TYW1B: variants seen among roughly 807,000 people sequenced by gnomAD.
The protein encoded by TYW1B is tRNA-yW synthesizing protein 1 homolog B.
In TYW1B, 73 loss-of-function variants were observed where a neutral mutation model predicts 86.9. The ratio of observed to expected loss-of-function variants is 0.84; its 90% CI spans 0.70 to 1.02. The LOEUF (loss-of-function observed/expected upper bound fraction) is 1.02, where lower values mean the gene tolerates loss of function less well. Among genes scored for constraint, TYW1B ranks in the 50% least tolerant of loss-of-function variants. The pLI is 0.00. For missense variants in TYW1B, 637 were observed against 827.4 expected (o/e 0.77, Z 2.82); for synonymous variants, 248 against 292.8 (o/e 0.85, Z 1.56).
At chr7:72,673,146 G>A (rs1427584063) in intron 11 of TYW1B, among the ~76,000 whole-genome samples, 7 of 152,182 alleles carry the variant, frequency 4.6e-5, no homozygotes, top group Admixed American at 6.5e-5. Context: ...CAGCCTGGGC[G>A]ACAGAGCAAG....
chr7:72,595,525 A>G (rs1811511093), intron 13 of TYW1B, among the ~76,000 whole-genome samples: 1 of 152,118 alleles, frequency 6.6e-6, no homozygotes, highest in African/African-American at 2.4e-5. Context: ...CTCTAAAAAA[A>G]TACAAAAATT....
At chr7:72,606,614 C>CG (rs1333893226) in intron 13 of TYW1B, among the ~76,000 whole-genome samples, 7 of 61,860 alleles carry the variant, frequency 1.1e-4, no homozygotes, top group Non-Finnish European at 1.7e-4. Flanking sequence ...AAGGCCCCCC[C>CG]CCCGCCTCCA....
chr7:72,709,084 CTA>C (rs1814681440), intron 10 of TYW1B, among the ~76,000 whole-genome samples: 1 of 151,980 alleles, frequency 6.6e-6, no homozygotes, highest in African/African-American at 2.4e-5. Flanking sequence ...AGATGAAAGA[CTA>C]TGTCCTCAAC....
At chr7:72,578,875 C>T (rs1444763332) in intron 13 of TYW1B, among the ~76,000 whole-genome samples, 10 of 152,086 alleles carry the variant, frequency 6.6e-5, no homozygotes, top group Admixed American at 4.6e-4. Context: ...ACAGAGATGA[C>T]CATTCTCTCT....
At chr7:72,712,547 G>T (rs1786690640) in intron 10 of TYW1B, among the ~76,000 whole-genome samples, 1 of 152,162 alleles carries the variant, frequency 6.6e-6, no homozygotes, top group Non-Finnish European at 1.5e-5. Context: ...AGGCTGGTCT[G>T]GAACTCTCAA....
At chr7:72,803,294 CAACT>C in intron 5 of TYW1B, among the ~76,000 whole-genome samples, 1 of 152,144 alleles carries the variant, frequency 6.6e-6, no homozygotes, top group East Asian at 1.9e-4. Context: ...GGAGTGGGAA[CAACT>C]AACACTTCAC....
intron 11 of TYW1B, among the ~76,000 whole-genome samples, chr7:72,681,561 A>G (rs1262504289): frequency 6.6e-6 from 1 of 151,882 alleles, no homozygotes; most frequent in East Asian, 1.9e-4. Context: ...TCCAGACAGT[A>G]AGAAGAGTGT....
chr7:72,627,868 A>G (rs1812386440), intron 12 of TYW1B, among the ~76,000 whole-genome samples: 2 of 152,240 alleles, frequency 1.3e-5, no homozygotes, highest in South Asian at 4.1e-4. Context: ...GCATCAGCCA[A>G]GATGCATGAT....
At chr7:72,743,419 T>C (rs1258588778) in intron 8 of TYW1B, among the ~76,000 whole-genome samples, 1 of 152,116 alleles carries the variant, frequency 6.6e-6, no homozygotes, top group Non-Finnish European at 1.5e-5. Flanking sequence ...AAGATAAGAA[T>C]TAAGTAGCTT....
At chr7:72,667,048 A>AGAAAAAAG (rs1554445446) in intron 11 of TYW1B, among the ~76,000 whole-genome samples, 1 of 131,370 alleles carries the variant, frequency 7.6e-6, no homozygotes, top group Admixed American at 7.8e-5. Context: ...AAAAAAAAAA[A>AGAAAAAAG]AAAGAAACTA....
intron 7 of TYW1B, among the ~76,000 whole-genome samples, chr7:72,769,809 C>T (rs1177755367): frequency 1.3e-5 from 2 of 152,326 alleles, no homozygotes; most frequent in South Asian, 2.1e-4. Context: ...TGGTGGCTCA[C>T]GCCTATAATC....
intron 13 of TYW1B, among the ~76,000 whole-genome samples, chr7:72,589,043 C>T (rs1811338205): frequency 6.6e-6 from 1 of 152,144 alleles, no homozygotes. Flanking sequence ...GAACCCCTGA[C>T]CTCAGGTGAT....
intron 8 of TYW1B, among the ~76,000 whole-genome samples, chr7:72,733,694 T>C (rs1787152566): frequency 6.6e-6 from 1 of 151,950 alleles, no homozygotes; most frequent in Non-Finnish European, 1.5e-5. Flanking sequence ...GAAAATTGCA[T>C]ATCACTGAGG....
At chr7:72,772,947 T>C (rs1475121462) in intron 7 of TYW1B, among the ~76,000 whole-genome samples, 19 of 152,212 alleles carry the variant, frequency 1.2e-4, no homozygotes, top group Non-Finnish European at 2.4e-4. Context: ...ACATCTTGCA[T>C]ATAAATAAAC....
intron 11 of TYW1B, among the ~76,000 whole-genome samples, chr7:72,637,575 C>T (rs1358601893): frequency 3.3e-5 from 5 of 151,262 alleles, no homozygotes; most frequent in Admixed American, 1.3e-4. Flanking sequence ...TTTGAATAAC[C>T]AACTTTCGCT....
At chr7:72,592,101 G>A (rs1219667159) in intron 13 of TYW1B, among the ~76,000 whole-genome samples, 9 of 148,670 alleles carry the variant, frequency 6.1e-5, no homozygotes, top group African/African-American at 2.3e-4. Context: ...GGGATTACAG[G>A]CGTCAGCCAC....
intron 9 of TYW1B, among the ~76,000 whole-genome samples, chr7:72,717,179 T>C (rs1554456296): frequency 6.6e-6 from 1 of 151,792 alleles, no homozygotes; most frequent in African/African-American, 2.4e-5. Context: ...TGCATGCTCG[T>C]AGGCCCAGCT....
chr7:72,730,773 G>A (rs1787089538), intron 8 of TYW1B, among the ~76,000 whole-genome samples: 2 of 151,770 alleles, frequency 1.3e-5, no homozygotes, highest in Admixed American at 6.6e-5. Flanking sequence ...ATGAACAAAT[G>A]TTTGCATTTA....
intron 13 of TYW1B, among the ~76,000 whole-genome samples, chr7:72,579,658 CTTTT>C (rs1369374785): frequency 6.6e-6 from 1 of 151,864 alleles, no homozygotes; most frequent in Non-Finnish European, 1.5e-5. Flanking sequence ...CTTCTTCTTC[CTTTT>C]TTTTAAGAGA....
Sources: gnomAD v4.1 joint callset for allele counts (sites outside exome capture counted in the v4.1 genomes callset) on GRCh38, gnomAD v4.1.1 for gene constraint, MANE v1.5 for transcripts, NCBI Gene and HGNC (gene_info 2026-07-23, HGNC 2026-07-21) for gene names.